SH3RF3: variants seen among roughly 807,000 people sequenced by gnomAD.
SH3RF3 encodes the protein SH3 domain containing ring finger 3, also known as E3 ubiquitin-protein ligase SH3RF3.
Under a neutral mutation model 66.3 loss-of-function variants are expected in SH3RF3, and 29 were observed. That is an observed-to-expected ratio of 0.44 (90% CI 0.33 to 0.60). The LOEUF is 0.60. Among genes scored for constraint, SH3RF3 ranks in the 20% least tolerant of loss-of-function variants. SH3RF3 has a pLI of 0.04. For missense variants in SH3RF3, 1,194 were observed against 1,190.9 expected, an observed-to-expected ratio of 1.00 and a Z score of -0.04; for synonymous variants, 583 against 532.0, an observed-to-expected ratio of 1.10 and a Z score of -1.32.
chr2:109,472,075 C>A (rs918129495), intron 8 of SH3RF3, among the ~76,000 whole-genome samples: 3 of 152,226 alleles, frequency 2.0e-5, no homozygotes, highest in Admixed American at 1.3e-4. Context: ...CTTTCAAATT[C>A]CCATCCTTTT....
intron 1 of SH3RF3, among the ~76,000 whole-genome samples, chr2:109,246,937 C>A (rs144876315): frequency 7.0e-4 from 107 of 152,310 alleles, no homozygotes; most frequent in African/African-American, 2.2e-3. Context: ...TGCAGCTCAG[C>A]CTTGAGGAGG....
chr2:109,249,507 TTCATTC>T (rs1163903168), intron 1 of SH3RF3, among the ~76,000 whole-genome samples: 1 of 54,368 alleles, frequency 1.8e-5, no homozygotes, highest in Non-Finnish European at 3.6e-5. Context: ...CTTTCTTTCT[TTCATTC>T]TTTCTTTTTC....
At chr2:109,137,095 A>G (rs751598171) in intron 1 of SH3RF3, among the ~76,000 whole-genome samples, 4 of 152,140 alleles carry the variant, frequency 2.6e-5, no homozygotes, top group African/African-American at 4.8e-5. Context: ...TTTTCCATTT[A>G]GTTAGGTGAC....
intron 9 of SH3RF3, among the ~76,000 whole-genome samples, chr2:109,501,057 A>T (rs1463381923): frequency 6.6e-6 from 1 of 152,214 alleles, no homozygotes; most frequent in East Asian, 1.9e-4. Context: ...TGCTTTTCAG[A>T]GGAACCTGCA....
chr2:109,166,539 A>C (rs539066921), intron 1 of SH3RF3, among the ~76,000 whole-genome samples: 1 of 152,116 alleles, frequency 6.6e-6, no homozygotes, highest in Non-Finnish European at 1.5e-5. Context: ...TCTCTGCTCA[A>C]TGTCAGCCAT....
At chr2:109,145,075 C>G (rs1029337258) in intron 1 of SH3RF3, among the ~76,000 whole-genome samples, 1 of 152,330 alleles carries the variant, frequency 6.6e-6, no homozygotes, top group East Asian at 1.9e-4. Context: ...GTTAAGGGCC[C>G]TCTTACGGGG....
At chr2:109,366,009 T>C (rs1683145315) in intron 2 of SH3RF3, among the ~76,000 whole-genome samples, 1 of 152,232 alleles carries the variant, frequency 6.6e-6, no homozygotes, top group African/African-American at 2.4e-5. Flanking sequence ...TTTTCTGGCA[T>C]ATAAGACAAT....
chr2:109,180,056 C>T (rs1186668735), intron 1 of SH3RF3, among the ~76,000 whole-genome samples: 1 of 152,070 alleles, frequency 6.6e-6, no homozygotes, highest in Non-Finnish European at 1.5e-5. Flanking sequence ...GGTTTGCTCT[C>T]TGTGGGGACC....
intron 3 of SH3RF3, among the ~76,000 whole-genome samples, chr2:109,392,384 C>G (rs1220764738): frequency 1.3e-5 from 2 of 152,174 alleles, no homozygotes; most frequent in Non-Finnish European, 2.9e-5. Context: ...CTCTCTGAGC[C>G]TCAGTTTCCT....
intron 5 of SH3RF3, among the ~76,000 whole-genome samples, chr2:109,420,883 G>A (rs1433890272): frequency 1.3e-5 from 2 of 152,212 alleles, no homozygotes; most frequent in Non-Finnish European, 2.9e-5. Context: ...CTTAAGTGGT[G>A]GGCAGGAAAG....
chr2:109,207,314 C>CT (rs1678864117), intron 1 of SH3RF3, among the ~76,000 whole-genome samples: 1 of 152,064 alleles, frequency 6.6e-6, no homozygotes, highest in Non-Finnish European at 1.5e-5. Context: ...GAATTTGTCT[C>CT]TAATTTATGC....
intron 3 of SH3RF3, among the ~76,000 whole-genome samples, chr2:109,397,108 G>A (rs1477051823): frequency 6.6e-6 from 1 of 152,148 alleles, no homozygotes; most frequent in Non-Finnish European, 1.5e-5. Flanking sequence ...CAGAGACCCT[G>A]TAGGCCCCAA....
At chr2:109,266,163 A>G (rs1236929951) in intron 1 of SH3RF3, among the ~76,000 whole-genome samples, 2 of 136,190 alleles carry the variant, frequency 1.5e-5, no homozygotes, top group East Asian at 2.2e-4. Flanking sequence ...TGTGTTGTGT[A>G]TGGTGTGTGT....
At chr2:109,321,126 G>A (rs1011046438) in intron 1 of SH3RF3, among the ~76,000 whole-genome samples, 29 of 152,188 alleles carry the variant, frequency 1.9e-4, no homozygotes, top group African/African-American at 5.8e-4. Context: ...AAAGACTCAC[G>A]GACACACAAG....
At chr2:109,161,493 A>G (rs1248494621) in intron 1 of SH3RF3, among the ~76,000 whole-genome samples, 1 of 151,354 alleles carries the variant, frequency 6.6e-6, no homozygotes, top group Non-Finnish European at 1.5e-5. Context: ...GACGTGCATT[A>G]CATATCGTAA....
At chr2:109,286,726 T>A (rs1681037589) in intron 1 of SH3RF3, among the ~76,000 whole-genome samples, 1 of 152,220 alleles carries the variant, frequency 6.6e-6, no homozygotes, top group African/African-American at 2.4e-5. Flanking sequence ...GGATTCCCAG[T>A]ACCTTTGGGA....
chr2:109,181,205 A>G (rs940153117), intron 1 of SH3RF3, among the ~76,000 whole-genome samples: 6 of 152,108 alleles, frequency 3.9e-5, no homozygotes, highest in Admixed American at 3.9e-4. Context: ...TTTGGGAATG[A>G]TCTTAGGTTT....
Position 109,297,185 on chromosome 2 carries a change from G to T in SH3RF3, c.574-50489G>T, listed in dbSNP as rs374532169. On this transcript the variant is annotated intron_variant, in intron 1 of 9. Transcript: ENST00000309415. ...AGCAGAGAGAGCAGGGCCTCTGCAG[G>T]GGGGTGAGTTCCCCAAGAAGACCCT... Among the ~76,000 whole-genome samples, 61 of 152,010 alleles carry T rather than the reference G, an allele frequency of 4.0e-4. 4 individuals are homozygous for T. In the South Asian group the frequency reaches 0.012, roughly 30 times the overall value.
At chr2:109,197,321 A>G (rs1209495437) in intron 1 of SH3RF3, among the ~76,000 whole-genome samples, 1 of 152,092 alleles carries the variant, frequency 6.6e-6, no homozygotes, top group East Asian at 1.9e-4. Context: ...GTTCTGCCTG[A>G]CACAGGAGGG....
Sources: allele counts gnomAD v4.1 joint callset (sites outside exome capture counted in the v4.1 genomes callset), GRCh38; gene constraint gnomAD v4.1.1; transcripts MANE v1.5; gene names NCBI Gene and HGNC (gene_info 2026-07-23, HGNC 2026-07-21).